UBA52: variants seen among roughly 807,000 people sequenced by gnomAD.
The protein encoded by UBA52 is ubiquitin A-52 residue ribosomal protein fusion product 1, also known as ubiquitin-ribosomal protein eL40 fusion protein.
A neutral mutation model predicts 15.3 loss-of-function variants in UBA52; 1 was observed. That is an observed-to-expected ratio of 0.07 (90% CI 0.02 to 0.31). The LOEUF (loss-of-function observed/expected upper bound fraction) is 0.31, where lower values mean the gene tolerates loss of function less well. Among genes scored for constraint, UBA52 ranks in the 10% least tolerant of loss-of-function variants. UBA52 has a pLI of 1.00. For missense variants in UBA52, 87 were observed against 168.0 expected (o/e 0.52, Z 2.66); for synonymous variants, 50 against 58.3 (o/e 0.86, Z 0.65).
chr19:18,570,721 CT>C (rs1427146079), upstream of UBA52, among the ~76,000 whole-genome samples: 69 of 147,646 alleles, frequency 4.7e-4, no homozygotes, highest in African/African-American at 1.7e-3. Context: ...GAGTTTTGCT[CT>C]TGTTGCCCAG....
chr19:18,573,133 AG>A, intron 1 of UBA52, 159 bp from the exon 2 acceptor site: 1 of 1,111,858 alleles, frequency 9.0e-7, no homozygotes, highest in Non-Finnish European at 1.3e-6. Context: ...GAAGCCTAGC[AG>A]GGCCAGGCTT....
the UBA52 span, among the ~76,000 whole-genome samples, chr19:18,564,394 G>C: frequency 1.3e-5 from 2 of 151,992 alleles, no homozygotes; most frequent in Non-Finnish European, 2.9e-5. Flanking sequence ...GGCCGAGGTG[G>C]GTGGATCACG....
chr19:18,568,414 C>T (rs372951796), upstream of UBA52: 2 of 1,613,336 alleles, frequency 1.2e-6, no homozygotes, highest in African/African-American at 2.7e-5. Flanking sequence ...ATCCCAGAGG[C>T]ATCCTTCCTG....
upstream of UBA52, chr19:18,569,088 G>C (rs910455183): frequency 1.8e-5 from 3 of 170,432 alleles, no homozygotes; most frequent in Admixed American, 1.7e-4. Flanking sequence ...CCTGCCCCTT[G>C]CTCCGTAAAA....
upstream of UBA52, among the ~76,000 whole-genome samples, chr19:18,570,507 CTTTTTTTTTTT>C (rs1555752289): frequency 3.1e-4 from 14 of 44,786 alleles, no homozygotes; most frequent in Non-Finnish European, 6.7e-4. Flanking sequence ...CGCCGTGGCA[CTTTTTTTTTTT>C]TTTTTTTTTT....
At chr19:18,568,655 G>C, upstream of UBA52, 1 of 1,560,166 alleles carries the variant, frequency 6.4e-7, no homozygotes, top group African/African-American at 1.3e-5. Context: ...TGCCTTGAGG[G>C]GGTCTCAGGG....
intron 1 of UBA52, chr19:18,572,936 G>A (rs1423323161): frequency 9.0e-7 from 1 of 1,107,344 alleles, no homozygotes; most frequent in Non-Finnish European, 1.1e-6. Flanking sequence ...CAGGGAAGAT[G>A]GATCTAGCAA....
In UBA52 at chr19:18,573,879, A is replaced by G. The variant is rs567075637; in HGVS notation, c.190+131A>G. 102 of 860,154 alleles carry G rather than the reference A, an allele frequency of 1.2e-4. 1 individual carries two copies. The East Asian group carries it at 1.7e-3, about 15-fold the overall frequency. The allele number at this position is 860,154 out of a possible 1,614,324, so 53.3% of individuals were successfully genotyped here. A position where few individuals can be genotyped will look rare whatever the true frequency, so the allele number is the denominator to read the frequency against. On this transcript the variant is annotated intron_variant, in intron 3 of 4. Transcript: ENST00000442744. ...TGTTTAAAATAATGGGACTGGGCAC[A>G]GTGGCTCATGCCTGTAATCCCGGCA...
intron 3 of UBA52, among the ~76,000 whole-genome samples, chr19:18,574,139 C>T (rs1012765481): frequency 4.0e-5 from 6 of 151,068 alleles, no homozygotes; most frequent in Non-Finnish European, 7.4e-5. Context: ...CAAAAATTAG[C>T]TAGGCATGGT....
chr19:18,566,560 G>A, the UBA52 span, among the ~76,000 whole-genome samples: 1 of 152,018 alleles, frequency 6.6e-6, no homozygotes, highest in African/African-American at 2.4e-5. Context: ...GGAGGCTGAC[G>A]CAGGCAGATC....
At chr19:18,568,708 G>A (rs1436080950), upstream of UBA52, 1 of 1,115,522 alleles carries the variant, frequency 9.0e-7, no homozygotes, top group Non-Finnish European at 1.3e-6. Flanking sequence ...GCCTTGTTCT[G>A]TCATCCAGGG....
chr19:18,567,182 A>C (rs1975285394), upstream of UBA52: 2 of 1,613,974 alleles, frequency 1.2e-6, no homozygotes. Context: ...TTCAGCCGTA[A>C]GTGTCACGCA....
intron 1 of UBA52, chr19:18,572,535 A>G (rs117943325): frequency 0.068 from 10,368 of 152,410 alleles, 513 homozygotes; most frequent in Non-Finnish European, 0.099. Context: ...TCACCATGTT[A>G]GCCAGGCTCA....
chr19:18,573,560 T>G, intron 2 of UBA52, 102 bp from the exon 3 acceptor site: 1 of 1,382,234 alleles, frequency 7.2e-7, no homozygotes. Context: ...CTACCTCAGT[T>G]GGCCTTTTGA....
chr19:18,572,832 G>A (rs1975569241), intron 1 of UBA52: 1 of 1,022,964 alleles, frequency 9.8e-7, no homozygotes, highest in Non-Finnish European at 1.2e-6. Flanking sequence ...GAAGGCATGT[G>A]TGTTGTAGGG....
At chr19:18,573,453 T>A (rs1390572555) in intron 2 of UBA52, 50 bp downstream of exon 2, 2 of 1,509,498 alleles carry the variant, frequency 1.3e-6, no homozygotes, top group Non-Finnish European at 1.8e-6. Flanking sequence ...GGAGTCCCTC[T>A]CTGCCCAGGG....
chr19:18,572,299 T>C (rs893439886), intron 1 of UBA52: 2 of 152,216 alleles, frequency 1.3e-5, no homozygotes, highest in Admixed American at 1.3e-4. Context: ...GAGGAGCTGG[T>C]GGTAGTGTCT....
chr19:18,567,079 C>T (rs1347017294), upstream of UBA52: 1 of 1,582,258 alleles, frequency 6.3e-7, no homozygotes, highest in Non-Finnish European at 8.7e-7. Context: ...CAGCACCAGG[C>T]CCAGCCTACC....
At chr19:18,565,140 C>T in the UBA52 span, 1 of 1,505,386 alleles carries the variant, frequency 6.6e-7, no homozygotes, top group Non-Finnish European at 8.8e-7. Context: ...CAAGGCTTCA[C>T]TGCGCACTTA....
Sources: gnomAD v4.1 joint callset for allele counts (sites outside exome capture counted in the v4.1 genomes callset) on GRCh38, gnomAD v4.1.1 for gene constraint, MANE v1.5 for transcripts, NCBI Gene and HGNC (gene_info 2026-07-23, HGNC 2026-07-21) for gene names.